The following AKR1C1 variants were observed in gnomAD, a reference collection of about 807,000 sequenced individuals.
AKR1C1 encodes the protein 20 alpha-hydroxysteroid dehydrogenase.
In AKR1C1, 32 loss-of-function variants were observed where a neutral mutation model predicts 40.6. The observed-to-expected ratio is 0.79, with a 90% CI of 0.60 to 1.06. The LOEUF is 1.06. AKR1C1 is among the 50% of genes least tolerant of loss of function. The probability of loss-of-function intolerance (pLI) is 0.00; values close to 1 mark genes in which losing one functional copy is unlikely to be tolerated. For synonymous variants in AKR1C1, 105 were observed against 134.2 expected, an observed-to-expected ratio of 0.78 and a Z score of 1.50; for missense variants, 320 against 363.5, an observed-to-expected ratio of 0.88 and a Z score of 0.97.
intron 3 of AKR1C1, chr10:4,967,541 TA>T (rs893108485): frequency 2.1e-6 from 2 of 972,562 alleles, no homozygotes; most frequent in Admixed American, 1.2e-4. Flanking sequence ...CTGGAGGTTT[TA>T]TTTTTGCTTA....
chr10:4,975,362 G>A (rs1836511256), intron 7 of AKR1C1, among the ~76,000 whole-genome samples: 1 of 152,182 alleles, frequency 6.6e-6, no homozygotes, highest in African/African-American at 2.4e-5. Flanking sequence ...CATAGTGAGA[G>A]TACCCACACC....
chr10:4,973,736 A>G (rs1836476364), intron 7 of AKR1C1, among the ~76,000 whole-genome samples: 1 of 152,164 alleles, frequency 6.6e-6, no homozygotes. Flanking sequence ...TAATTAATCT[A>G]TCATTTATAC....
chr10:4,975,113 GTTTTTGA>G (rs1836506940), intron 7 of AKR1C1, among the ~76,000 whole-genome samples: 2 of 151,528 alleles, frequency 1.3e-5, no homozygotes, highest in African/African-American at 4.8e-5. Context: ...GATTTTAATA[GTTTTTGA>G]TAACTTTTCA....
intron 5 of AKR1C1, among the ~76,000 whole-genome samples, chr10:4,970,711 C>T (rs12254797): frequency 0.058 from 8,688 of 149,364 alleles, 865 homozygotes; most frequent in African/African-American, 0.2. Context: ...ATCGCAAGAA[C>T]AAAAAACCAA....
intron 4 of AKR1C1, 99 bp from the exon 5 acceptor site, chr10:4,968,723 G>C: frequency 6.4e-7 from 1 of 1,570,362 alleles, no homozygotes; most frequent in African/African-American, 1.4e-5. Flanking sequence ...AAGAACCACG[G>C]CTAGCTAGTT....
At chr10:4,968,681 T>A in intron 4 of AKR1C1, 141 bp from the exon 5 acceptor site, 1 of 1,402,260 alleles carries the variant, frequency 7.1e-7, no homozygotes, top group South Asian at 1.4e-5. Context: ...ACTATCTTCT[T>A]CCCCAATTTT....
intron 2 of AKR1C1, 76 bp from the exon 3 acceptor site, chr10:4,966,851 T>A: frequency 7.4e-7 from 1 of 1,351,338 alleles, no homozygotes; most frequent in South Asian, 1.4e-5. Flanking sequence ...AGAAAATGTC[T>A]AAATATTAGG....
Position 4,981,186 on chromosome 10 carries a change from TG to T in AKR1C1, c.*3446del, listed in dbSNP as rs1168191186. 2 of 152,188 alleles carry T rather than the reference TG, an allele frequency of 1.3e-5. No homozygotes were observed. Among genetic ancestry groups the T allele is most frequent in the African/African-American group, 4.8e-5 (2 of 41,442 alleles). 9.4% of individuals were successfully genotyped at this position (152,188 alleles called of 1,614,324 possible). ...CAGTAAACCATTATTTAAGGAGATG[TG>T]GCTTAAATATCTAGGCTTTCTTGCT... On this transcript the variant is annotated 3_prime_UTR_variant, in exon 9 of 9. Transcript: ENST00000380872.
At position 4,979,144 on chromosome 10, in the gene AKR1C1, A is replaced by G. The variant is rs1554770824; in HGVS notation, c.*1402A>G. The G allele has an allele frequency of 6.6e-6, 1 of 152,204 alleles. No individual in the cohort carries two copies. Among genetic ancestry groups the G allele is most frequent in the East Asian group, 1.9e-4 (1 of 5,200 alleles). The allele number at this position is 152,204 out of a possible 1,614,324, so 9.4% of individuals were successfully genotyped here. ...GGCATCCCAGCAAGTTTTGCAGCTC[A>G]CAGTTTTTTCCGTAAATTACTTATT... On this transcript the variant is annotated 3_prime_UTR_variant, in exon 9 of 9. Transcript: ENST00000380872.
In AKR1C1 at chr10:4,978,296, G is replaced by A. The variant is rs1564319682; in HGVS notation, c.*554G>A. On this transcript the variant is annotated 3_prime_UTR_variant, in exon 9 of 9. Transcript: ENST00000380872. The stretch of plus-strand genomic sequence containing the variant: ...GCCTTGGGAGGAGGCATCCCTGTGA[G>A]GGGGGGTTAGGGAGATGGGAGGGCA... The A allele has an allele frequency of 6.7e-6, 1 of 149,676 alleles. No homozygotes were observed. Among genetic ancestry groups the A allele is most frequent in the South Asian group, 2.1e-4 (1 of 4,652 alleles). 9.3% of individuals were successfully genotyped at this position (149,676 alleles called of 1,614,324 possible). A position where few individuals can be genotyped will look rare whatever the true frequency, so the allele number is the denominator to read the frequency against.
At chr10:4,976,956 G>GTAT (rs202151159) in intron 8 of AKR1C1, among the ~76,000 whole-genome samples, 1 of 151,534 alleles carries the variant, frequency 6.6e-6, no homozygotes, top group Non-Finnish European at 1.5e-5. Context: ...ATGTTTTTGG[G>GTAT]GATCATGAAA....
chr10:4,974,091 T>C (rs1460037756), intron 7 of AKR1C1, among the ~76,000 whole-genome samples: 42 of 151,518 alleles, frequency 2.8e-4, no homozygotes, highest in Admixed American at 2.8e-3. Flanking sequence ...AATGAAACAA[T>C]TGATGAATCT....
In AKR1C1 at chr10:4,966,916, A is replaced by G. The variant is rs768743596; in HGVS notation, c.253-11A>G. On this transcript the variant is annotated splice_polypyrimidine_tract_variant and intron_variant, in intron 2 of 8. Coordinates refer to ENST00000380872, the MANE Select transcript of AKR1C1 (RefSeq NM_001353.6). ...TTTCATTACACAACTTCCTTTCTCTAACCTCTGCAGCTTTGGTGCAATTCC... is the reference window on the plus strand; with the variant it reads ...TTTCATTACACAACTTCCTTTCTCTGACCTCTGCAGCTTTGGTGCAATTCC... The G allele has an allele frequency of 1.9e-6, 3 of 1,606,542 alleles. No homozygotes were observed. Among genetic ancestry groups the G allele is most frequent in the Non-Finnish European group, 2.5e-6 (3 of 1,177,400 alleles).
chr10:4,980,987 T>G lies in AKR1C1; in HGVS notation c.*3245T>G, dbSNP rs61854325. On this transcript the variant is annotated 3_prime_UTR_variant, in exon 9 of 9. Coordinates refer to ENST00000380872, the MANE Select transcript of AKR1C1 (RefSeq NM_001353.6). ...CAAGAACATCAAAATTACTCTATGA[T>G]CCATGGGAAACAGAATGCATGTTGT... The G allele has an allele frequency of 6.6e-6, 1 of 152,114 alleles. No homozygotes were observed. Among genetic ancestry groups the G allele is most frequent in the African/African-American group, 2.4e-5 (1 of 41,420 alleles). The allele number at this position is 152,114 out of a possible 1,614,324, so 9.4% of individuals were successfully genotyped here.
In AKR1C1 at chr10:4,978,300, G is replaced by C. The variant is rs1174195124; in HGVS notation, c.*558G>C. The C allele has an allele frequency of 6.7e-6, 1 of 149,942 alleles. No homozygotes were observed. Among genetic ancestry groups the C allele is most frequent in the African/African-American group, 2.5e-5 (1 of 40,158 alleles). The allele number at this position is 149,942 out of a possible 1,614,324, so 9.3% of individuals were successfully genotyped here. On this transcript the variant is annotated 3_prime_UTR_variant, in exon 9 of 9. Coordinates refer to ENST00000380872, the MANE Select transcript of AKR1C1 (RefSeq NM_001353.6). ...TGGGAGGAGGCATCCCTGTGAGGGG[G>C]GGTTAGGGAGATGGGAGGGCACCAG...
At chr10:4,976,477 T>C (rs560014786) in intron 8 of AKR1C1, among the ~76,000 whole-genome samples, 155 of 152,284 alleles carry the variant, frequency 1.0e-3, no homozygotes, top group African/African-American at 3.6e-3. Flanking sequence ...TGTTTGCCCA[T>C]GAGCCAAACA....
At chr10:4,968,475 A>G in intron 4 of AKR1C1, 89 bp downstream of exon 4, 1 of 1,343,542 alleles carries the variant, frequency 7.4e-7, no homozygotes, top group Non-Finnish European at 1.0e-6. Flanking sequence ...TGGAAAATGC[A>G]CCATTGGATC....
chr10:4,964,013 T>G (rs1836289715), intron 1 of AKR1C1: 1 of 660,070 alleles, frequency 1.5e-6, no homozygotes, highest in Non-Finnish European at 2.8e-6. Context: ...TGTACTATTC[T>G]CACCTCTGGG....
At position 4,976,629 on chromosome 10, in the gene AKR1C1, T is replaced by A. The variant is rs116587940; in HGVS notation, c.929+696T>A. ...GAGTGTAGATGCAAAAGCACCATTG[T>A]TGGAGATAATTTATAACCAATAACA... On this transcript the variant is annotated intron_variant, in intron 8 of 8. Coordinates refer to ENST00000380872, the MANE Select transcript of AKR1C1 (RefSeq NM_001353.6). Among the ~76,000 whole-genome samples the A allele has an allele frequency of 8.4e-3, 1,273 of 150,980 alleles. 4 individuals are homozygous for A. Among genetic ancestry groups the A allele is most frequent in the African/African-American group, 0.029 (1,186 of 41,068 alleles).
Sources: gnomAD v4.1 joint callset for allele counts (sites outside exome capture counted in the v4.1 genomes callset) on GRCh38, gnomAD v4.1.1 for gene constraint, MANE v1.5 for transcripts, NCBI Gene and HGNC (gene_info 2026-07-23, HGNC 2026-07-21) for gene names.